The following RORB variants were observed in gnomAD, a reference collection of about 807,000 sequenced individuals.
RORB encodes RAR related orphan receptor B.
RORB carries 6 observed loss-of-function variants against 59.1 expected under a neutral mutation model. That is an observed-to-expected ratio of 0.10 (90% CI 0.06 to 0.20). The LOEUF (loss-of-function observed/expected upper bound fraction) is 0.20. Ranked by LOEUF, RORB falls within the 10% of genes least tolerant of loss-of-function variation. The probability of loss-of-function intolerance (pLI) is 1.00; values close to 1 mark genes in which losing one functional copy is unlikely to be tolerated. For synonymous variants in RORB, 215 were observed against 204.5 expected (o/e 1.05, Z -0.44); for missense variants, 320 against 560.5 (o/e 0.57, Z 4.33).
At chr9:74,603,988 A>T (rs1216661511) in intron 1 of RORB, among the ~76,000 whole-genome samples, 1 of 152,214 alleles carries the variant, frequency 6.6e-6, no homozygotes, top group East Asian at 1.9e-4. Flanking sequence ...CTTCCACGTG[A>T]ACGGATCAGT....
chr9:74,642,550 C>A lies in RORB; in HGVS notation c.372C>A (p.Ser124Arg), dbSNP rs1823827826. The A allele has an allele frequency of 6.2e-7, 1 of 1,614,074 alleles. No homozygotes were observed. Among genetic ancestry groups the A allele is most frequent in the Non-Finnish European group, 8.5e-7 (1 of 1,180,050 alleles). Residue 124 changes from serine (S) to arginine (R), a missense_variant, in exon 4 of 10, where the codon AGC becomes AGA. Physicochemically the swap from Ser to Arg is moderately radical, Grantham distance 110 (BLOSUM62 -1). This residue lies in a region of RORB where 134 missense variants were observed against 156.2 expected (regional missense o/e 0.86). Transcript: ENST00000376896. The stretch of plus-strand genomic sequence containing the variant: ...AAGCCCTTGCCAGGGTGTACAGCAG[C>A]AGCATTAGCAACGGCCTGAGCAACC... ...EAEALARVYS[S>R]SISNGLSNLN...
intron 1 of RORB, among the ~76,000 whole-genome samples, chr9:74,510,030 T>G (rs1825914879): frequency 6.6e-6 from 1 of 152,152 alleles, no homozygotes; most frequent in Admixed American, 6.5e-5. Flanking sequence ...TAATTTGCAA[T>G]TCTTTAAAAG....
chr9:74,639,676 A>G (rs1264441578), intron 3 of RORB, among the ~76,000 whole-genome samples: 2 of 152,254 alleles, frequency 1.3e-5, no homozygotes, highest in Admixed American at 1.3e-4. Context: ...ATCTATAGCA[A>G]TGGATACAAA....
intron 1 of RORB, among the ~76,000 whole-genome samples, chr9:74,621,645 C>T (rs555796544): frequency 2.1e-4 from 32 of 152,318 alleles, no homozygotes; most frequent in African/African-American, 6.3e-4. Flanking sequence ...CTATGGGTAG[C>T]TTTGTAAGAA....
intron 5 of RORB, among the ~76,000 whole-genome samples, chr9:74,661,636 CTTT>C (rs779927558): frequency 1.3e-4 from 10 of 79,600 alleles, no homozygotes; most frequent in East Asian, 4.6e-4. Flanking sequence ...TTCTTTTTTC[CTTT>C]TTTTTTTTTT....
chr9:74,585,996 G>C (rs999955006), intron 1 of RORB, among the ~76,000 whole-genome samples: 1 of 151,614 alleles, frequency 6.6e-6, no homozygotes, highest in African/African-American at 2.4e-5. Context: ...GGGTTTCACC[G>C]TGTTAGCCAG....
intron 1 of RORB, among the ~76,000 whole-genome samples, chr9:74,508,115 T>C (rs1179349124): frequency 6.6e-6 from 1 of 152,066 alleles, no homozygotes; most frequent in African/African-American, 2.4e-5. Context: ...CTACTTTTAA[T>C]AAGCTTAATT....
chr9:74,639,554 G>A (rs560888377), intron 3 of RORB, among the ~76,000 whole-genome samples: 42 of 151,260 alleles, frequency 2.8e-4, no homozygotes, highest in African/African-American at 8.7e-4. Context: ...TGTTGGAAGA[G>A]TTTCTTATTC....
intron 1 of RORB, among the ~76,000 whole-genome samples, chr9:74,547,604 T>C (rs1563933901): frequency 1.3e-5 from 2 of 152,164 alleles, no homozygotes; most frequent in Non-Finnish European, 2.9e-5. Flanking sequence ...GAGTAAGGGA[T>C]GTGGATATCT....
intron 1 of RORB, among the ~76,000 whole-genome samples, chr9:74,583,511 T>TGGTTACAAATTAGGTAACCCAAATTA (rs1554668066): frequency 6.6e-6 from 1 of 151,966 alleles, no homozygotes; most frequent in Non-Finnish European, 1.5e-5. Context: ...TAACCTAATT[T>TGGTTACAAATTAGGTAACCCAAATTA]GGTTACAAAT....
At chr9:74,601,577 A>G (rs1823057413) in intron 1 of RORB, among the ~76,000 whole-genome samples, 1 of 152,100 alleles carries the variant, frequency 6.6e-6, no homozygotes, top group Non-Finnish European at 1.5e-5. Context: ...TTAAATTTGG[A>G]AGTTTAAAAA....
intron 1 of RORB, among the ~76,000 whole-genome samples, chr9:74,576,423 C>T (rs1436731837): frequency 6.6e-6 from 1 of 151,020 alleles, no homozygotes; most frequent in African/African-American, 2.4e-5. Flanking sequence ...GGAATAAGGG[C>T]AACAGTGGCA....
intron 1 of RORB, among the ~76,000 whole-genome samples, chr9:74,510,344 G>A (rs767133393): frequency 1.1e-4 from 16 of 152,134 alleles, no homozygotes; most frequent in Non-Finnish European, 1.6e-4. Flanking sequence ...TTTACAGCAT[G>A]TAAAATATCT....
rs918781558 is a variant in RORB at position 74,660,823 on chromosome 9, T to C, written c.759+85T>C. 50 of 1,383,640 alleles carry C rather than the reference T, an allele frequency of 3.6e-5. No individual in the cohort carries two copies. In the Admixed American group the frequency reaches 1.1e-3, roughly 31 times the overall value. The allele number at this position is 1,383,640 out of a possible 1,614,324, so 85.7% of individuals were successfully genotyped here. A position where few individuals can be genotyped will look rare whatever the true frequency, so the allele number is the denominator to read the frequency against. On this transcript the variant is annotated intron_variant, in intron 5 of 9. Coordinates refer to ENST00000376896, the MANE Select transcript of RORB (RefSeq NM_006914.4). ...GCTCAGCACTATTGGCATGTTGCAC[T>C]GGGCAATTCTTTTCTGTAAGGGCAT...
rs537559018 is a variant in RORB at position 74,642,472 on chromosome 9, G to A, written c.294G>A (p.Gln98=). 4 of 1,614,140 alleles carry A rather than the reference G, an allele frequency of 2.5e-6. No individual in the cohort carries two copies. Among genetic ancestry groups the A allele is most frequent in the African/African-American group, 2.7e-5 (2 of 75,070 alleles). ...KQRDSLYAEV[Q]KHQQRLQEQR... Reference sequence around the variant, plus strand: ...GGGACAGCCTGTATGCTGAGGTGCAGAAGCACCAGCAGCGGCTGCAGGAAC... The same window carrying A: ...GGGACAGCCTGTATGCTGAGGTGCAAAAGCACCAGCAGCGGCTGCAGGAAC... The change falls in exon 4 of 10, where the codon CAG becomes CAA. Residue 98 remains glutamine, a synonymous_variant. Coordinates refer to ENST00000376896, the MANE Select transcript of RORB (RefSeq NM_006914.4).
intron 1 of RORB, among the ~76,000 whole-genome samples, chr9:74,624,587 G>T (rs1425997372): frequency 6.6e-6 from 1 of 152,316 alleles, no homozygotes; most frequent in Admixed American, 6.5e-5. Context: ...CAGTGGAACT[G>T]GTTCCCAGAG....
At chr9:74,607,598 ATT>A (rs1196716769) in intron 1 of RORB, among the ~76,000 whole-genome samples, 10 of 133,914 alleles carry the variant, frequency 7.5e-5, no homozygotes, top group African/African-American at 2.4e-4. Context: ...ATATATATTT[ATT>A]TATATATATA....
intron 1 of RORB, among the ~76,000 whole-genome samples, chr9:74,513,279 C>T (rs1401767354): frequency 6.6e-6 from 1 of 151,848 alleles, no homozygotes; most frequent in Admixed American, 6.6e-5. Flanking sequence ...AATAGTCAAG[C>T]AAAAGTACCA....
chr9:74,615,625 A>G (rs977885986), intron 1 of RORB: 5 of 454,484 alleles, frequency 1.1e-5, no homozygotes, highest in African/African-American at 1.0e-4. Context: ...CTCAAAACTA[A>G]AGCTGACGCC....
Sources: gnomAD v4.1 joint callset for allele counts (sites outside exome capture counted in the v4.1 genomes callset) on GRCh38, gnomAD v4.1.1 for gene constraint, gnomAD v4.1.1 regional missense constraint, MANE v1.5 for transcripts, NCBI Gene and HGNC (gene_info 2026-07-23, HGNC 2026-07-21) for gene names.